DRC11: variants seen among roughly 807,000 people sequenced by gnomAD.
DRC11 encodes the protein dynein regulatory complex subunit 11, also known as IQ and AAA domain-containing protein 1.
chr2:236,316,928 C>A, the DRC11 span, among the ~76,000 whole-genome samples: 1 of 152,212 alleles, frequency 6.6e-6, no homozygotes, highest in Non-Finnish European at 1.5e-5. The surrounding 1 kb of genome is among the most constrained non-coding windows in gnomAD (Gnocchi z 6.8). Flanking sequence ...GCAGTGTGTG[C>A]ACATGTGTGC....
chr2:236,354,505 C>T, the DRC11 span, among the ~76,000 whole-genome samples: 51 of 152,250 alleles, frequency 3.3e-4, no homozygotes, highest in East Asian at 9.5e-3. Context: ...CCCCAGCCCA[C>T]TGCCCACCAC....
the DRC11 span, among the ~76,000 whole-genome samples, chr2:236,435,684 G>A: frequency 1.3e-5 from 2 of 152,188 alleles, no homozygotes; most frequent in Non-Finnish European, 2.9e-5. Flanking sequence ...CACAAGAACA[G>A]TCTGGGGGAA....
chr2:236,342,188 T>G, the DRC11 span, among the ~76,000 whole-genome samples: 1 of 152,330 alleles, frequency 6.6e-6, no homozygotes, highest in Admixed American at 6.5e-5. The surrounding 1 kb of genome is among the most constrained non-coding windows in gnomAD (Gnocchi z 5.8). Context: ...AGGTCGGCCC[T>G]GCTGCCTGTA....
the DRC11 span, among the ~76,000 whole-genome samples, chr2:236,443,486 T>C: frequency 2.6e-5 from 4 of 152,218 alleles, no homozygotes; most frequent in African/African-American, 9.6e-5. The surrounding 1 kb of genome is among the most constrained non-coding windows in gnomAD (Gnocchi z 4.4). Flanking sequence ...ATGCAGTGTT[T>C]GGTTTTCTGT....
the DRC11 span, among the ~76,000 whole-genome samples, chr2:236,366,191 T>C: frequency 2.6e-3 from 392 of 152,274 alleles, 1 homozygote; most frequent in Middle Eastern, 0.034. Context: ...GCTGACCAGA[T>C]ACTTCCTGGG....
chr2:236,347,508 C>CTCTATATATATATATATA, the DRC11 span, among the ~76,000 whole-genome samples: 49 of 107,524 alleles, frequency 4.6e-4, 3 homozygotes, highest in African/African-American at 1.1e-3. Context: ...AAAAACTGTG[C>CTCTATATATATATATATA]TATATATATA....
chr2:236,358,333 TGATATATA>T, the DRC11 span, among the ~76,000 whole-genome samples: 1 of 131,716 alleles, frequency 7.6e-6, no homozygotes, highest in Non-Finnish European at 1.5e-5. Context: ...TGAATATATA[TGATATATA>T]GATATATACT....
chr2:236,401,947 ACT>A, the DRC11 span, among the ~76,000 whole-genome samples: 4 of 152,128 alleles, frequency 2.6e-5, no homozygotes, highest in Non-Finnish European at 4.4e-5. The surrounding 1 kb of genome is among the most constrained non-coding windows in gnomAD (Gnocchi z 4.6). Context: ...TTAAAGAGGC[ACT>A]CTCTATTGCT....
chr2:236,484,747 T>C, the DRC11 span, among the ~76,000 whole-genome samples: 1 of 152,182 alleles, frequency 6.6e-6, no homozygotes, highest in African/African-American at 2.4e-5. Context: ...CTTGGGTCCC[T>C]GCCCAAACTG....
chr2:236,492,084 G>A, the DRC11 span, among the ~76,000 whole-genome samples: 1 of 152,136 alleles, frequency 6.6e-6, no homozygotes, highest in Non-Finnish European at 1.5e-5. Flanking sequence ...CTGCAAGAAG[G>A]CCCTTACCAG....
chr2:236,448,217 C>A, the DRC11 span, among the ~76,000 whole-genome samples: 1 of 152,138 alleles, frequency 6.6e-6, no homozygotes, highest in East Asian at 1.9e-4. This position sits in a 1 kb window ranked among gnomAD's most constrained non-coding sequence, Gnocchi z 5.3. Context: ...AGATACACAC[C>A]TCAGTAAGAC....
At chr2:236,320,729 A>G in the DRC11 span, among the ~76,000 whole-genome samples, 1 of 152,168 alleles carries the variant, frequency 6.6e-6, no homozygotes, top group Non-Finnish European at 1.5e-5. Context: ...TCCACTTCAG[A>G]ATGTGCTCAA....
the DRC11 span, among the ~76,000 whole-genome samples, chr2:236,310,358 T>G: frequency 6.6e-6 from 1 of 152,292 alleles, no homozygotes; most frequent in Middle Eastern, 3.4e-3. This position sits in a 1 kb window ranked among gnomAD's most constrained non-coding sequence, Gnocchi z 5.5. Flanking sequence ...CCTCCCCAAC[T>G]GGACACGGCA....
At chr2:236,346,385 A>G in the DRC11 span, among the ~76,000 whole-genome samples, 2 of 152,242 alleles carry the variant, frequency 1.3e-5, no homozygotes, top group East Asian at 3.8e-4. Context: ...AACCATTGTT[A>G]TCATCCCTGT....
chr2:236,499,551 C>T, the DRC11 span, among the ~76,000 whole-genome samples: 44 of 152,334 alleles, frequency 2.9e-4, no homozygotes, highest in African/African-American at 9.9e-4. This position sits in a 1 kb window ranked among gnomAD's most constrained non-coding sequence, Gnocchi z 4.7. Context: ...GCCTCAGCCT[C>T]CTGGGTAGCT....
the DRC11 span, among the ~76,000 whole-genome samples, chr2:236,491,219 GTATATATA>G: frequency 3.1e-4 from 6 of 19,566 alleles, no homozygotes; most frequent in Non-Finnish European, 5.2e-4. Context: ...TATACACACA[GTATATATA>G]TATATATATA....
At chr2:236,476,936 G>A in the DRC11 span, among the ~76,000 whole-genome samples, 35 of 152,172 alleles carry the variant, frequency 2.3e-4, no homozygotes, top group African/African-American at 8.2e-4. This position sits in a 1 kb window ranked among gnomAD's most constrained non-coding sequence, Gnocchi z 4.7. Context: ...GGTGTGTGTT[G>A]TTTCCCTCCC....
chr2:236,484,382 T>G, the DRC11 span, among the ~76,000 whole-genome samples: 1 of 152,222 alleles, frequency 6.6e-6, no homozygotes, highest in Non-Finnish European at 1.5e-5. Flanking sequence ...ATAAAACACA[T>G]GTTTATTGCA....
the DRC11 span, chr2:236,497,396 G>T: frequency 1.2e-3 from 1,864 of 1,613,806 alleles, 22 homozygotes; most frequent in East Asian, 3.1e-4. The surrounding 1 kb of genome is among the most constrained non-coding windows in gnomAD (Gnocchi z 5.1). Context: ...ATGAAAACCT[G>T]ATTTCTTTGT....
Sources: gnomAD v4.1 joint callset for allele counts (sites outside exome capture counted in the v4.1 genomes callset) on GRCh38, gnomAD v4.1.1 for gene constraint, Gnocchi (gnomAD v3.1) non-coding constraint, MANE v1.5 for transcripts, NCBI Gene and HGNC (gene_info 2026-07-23, HGNC 2026-07-21) for gene names.